The following PLPPR5 variants were observed in gnomAD, a reference collection of about 807,000 sequenced individuals.
PLPPR5 encodes phospholipid phosphatase related 5.
Under a neutral mutation model 33.9 loss-of-function variants are expected in PLPPR5, and 16 were observed. That is an observed-to-expected ratio of 0.47 (90% CI 0.32 to 0.72). PLPPR5 has a LOEUF of 0.72. Ranked by LOEUF, PLPPR5 falls within the 30% of genes least tolerant of loss-of-function variation. PLPPR5 has a pLI of 0.03. For synonymous variants in PLPPR5, 163 were observed against 150.3 expected, an observed-to-expected ratio of 1.08 and a Z score of -0.62; for missense variants, 301 against 406.7, an observed-to-expected ratio of 0.74 and a Z score of 2.23.
At chr1:99,004,185 T>G (rs933059522) in intron 1 of PLPPR5, 5 of 531,350 alleles carry the variant, frequency 9.4e-6, no homozygotes, top group Non-Finnish European at 1.7e-5. Flanking sequence ...TTCCCTTCCA[T>G]CCCCGCCCAG....
At chr1:98,995,334 C>A (rs1652593800) in intron 1 of PLPPR5, among the ~76,000 whole-genome samples, 1 of 151,996 alleles carries the variant, frequency 6.6e-6, no homozygotes, top group Non-Finnish European at 1.5e-5. Flanking sequence ...AGAGGAGGGT[C>A]ACGATCAAAA....
intron 5 of PLPPR5, among the ~76,000 whole-genome samples, chr1:98,903,547 C>T (rs1011389180): frequency 5.3e-5 from 8 of 151,996 alleles, no homozygotes; most frequent in Admixed American, 5.2e-4. Flanking sequence ...TACAGTATTT[C>T]CTGCATTTGT....
At chr1:99,004,273 CT>C in intron 1 of PLPPR5, 161 bp downstream of exon 1, 1 of 631,970 alleles carries the variant, frequency 1.6e-6, no homozygotes, top group Non-Finnish European at 2.7e-6. Context: ...CGCACCCACC[CT>C]CACGCGCCCT....
At chr1:98,940,966 G>A (rs759966227) in intron 3 of PLPPR5, among the ~76,000 whole-genome samples, 7 of 151,760 alleles carry the variant, frequency 4.6e-5, no homozygotes, top group Non-Finnish European at 8.8e-5. Flanking sequence ...TCATGGTTTC[G>A]GTTTTTGAAA....
intron 1 of PLPPR5, among the ~76,000 whole-genome samples, chr1:98,972,648 G>A (rs988495251): frequency 6.6e-6 from 1 of 151,914 alleles, no homozygotes; most frequent in African/African-American, 2.4e-5. Context: ...AATGTTGTTG[G>A]CCTAATCAAT....
chr1:98,966,822 A>G (rs528971741), intron 1 of PLPPR5, among the ~76,000 whole-genome samples: 1 of 152,258 alleles, frequency 6.6e-6, no homozygotes, highest in East Asian at 1.9e-4. Flanking sequence ...TCACTTTTCA[A>G]CTGGGAAAGA....
intron 1 of PLPPR5, among the ~76,000 whole-genome samples, chr1:98,975,915 T>C (rs1651830017): frequency 6.6e-6 from 1 of 151,952 alleles, no homozygotes; most frequent in South Asian, 2.1e-4. Context: ...CTTTTCATTA[T>C]TGGATCCCAC....
At chr1:99,001,671 G>GATACAT (rs1247519605) in intron 1 of PLPPR5, among the ~76,000 whole-genome samples, 1 of 102,196 alleles carries the variant, frequency 9.8e-6, no homozygotes, top group African/African-American at 3.9e-5. Context: ...GAAAGTTAAA[G>GATACAT]ATATATATAT....
intron 1 of PLPPR5, among the ~76,000 whole-genome samples, chr1:98,974,719 G>C (rs1378980626): frequency 1.3e-5 from 2 of 152,034 alleles, no homozygotes; most frequent in Non-Finnish European, 2.9e-5. Flanking sequence ...AGTCTCCTCT[G>C]CTAATTCAGG....
intron 5 of PLPPR5, among the ~76,000 whole-genome samples, chr1:98,904,084 A>G (rs1450162586): frequency 2.0e-5 from 3 of 152,108 alleles, no homozygotes; most frequent in Non-Finnish European, 4.4e-5. Context: ...TCCTCATTAT[A>G]ATATTTCTAG....
intron 5 of PLPPR5, among the ~76,000 whole-genome samples, chr1:98,893,615 C>A (rs377514625): frequency 2.3e-4 from 23 of 101,492 alleles, no homozygotes; most frequent in African/African-American, 7.0e-4. Flanking sequence ...TTCTTCACAG[C>A]GCCTTTTTTT....
chr1:98,946,687 A>G (rs1650564956), intron 3 of PLPPR5, among the ~76,000 whole-genome samples: 1 of 151,910 alleles, frequency 6.6e-6, no homozygotes, highest in Admixed American at 6.6e-5. Context: ...ATTGGGTGGG[A>G]CTCATCATTA....
chr1:98,952,836 C>T (rs115426011), intron 3 of PLPPR5, among the ~76,000 whole-genome samples: 1,750 of 152,248 alleles, frequency 0.011, 11 homozygotes, highest in Admixed American at 0.015. Flanking sequence ...AATAGAAATG[C>T]TAATGGCTAC....
At chr1:98,920,768 G>A (rs1649522752) in intron 4 of PLPPR5, among the ~76,000 whole-genome samples, 1 of 151,906 alleles carries the variant, frequency 6.6e-6, no homozygotes, top group Non-Finnish European at 1.5e-5. Context: ...GTAAAATGAG[G>A]CTAATAAAGT....
intron 3 of PLPPR5, among the ~76,000 whole-genome samples, chr1:98,939,964 A>T (rs2101190159): frequency 6.6e-6 from 1 of 151,926 alleles, no homozygotes; most frequent in African/African-American, 2.4e-5. Context: ...TTGACGGGTG[A>T]TTATGGAGGT....
chr1:98,989,991 A>C (rs992971741), intron 1 of PLPPR5, among the ~76,000 whole-genome samples: 6 of 152,200 alleles, frequency 3.9e-5, no homozygotes, highest in Admixed American at 2.0e-4. Context: ...TTTGATTTAT[A>C]AAAGTGAAAG....
intron 1 of PLPPR5, among the ~76,000 whole-genome samples, chr1:98,993,049 A>G (rs1652504936): frequency 6.6e-6 from 1 of 152,150 alleles, no homozygotes. Context: ...TGATGTAAGC[A>G]CTATGTTAGT....
In PLPPR5 at chr1:99,004,706, C is replaced by A. The variant is rs753924107; in HGVS notation, c.-35G>T. On this transcript the variant is annotated 5_prime_UTR_variant, in exon 1 of 6. Coordinates refer to ENST00000263177, the MANE Select transcript of PLPPR5 (RefSeq NM_001037317.2). ...CCGGGCCGGGCCGAGCCGAGCCGAG[C>A]GGGCGGTCGACGCGGTGGGCCCCCT... 10 of 1,437,700 alleles carry A rather than the reference C, an allele frequency of 7.0e-6. No homozygotes were observed. Among genetic ancestry groups the A allele is most frequent in the South Asian group, 1.5e-5 (1 of 66,820 alleles). The allele number at this position is 1,437,700 out of a possible 1,614,324, so 89.1% of individuals were successfully genotyped here.
intron 5 of PLPPR5, among the ~76,000 whole-genome samples, chr1:98,899,753 G>T (rs112384952): frequency 6.7e-4 from 101 of 150,746 alleles, no homozygotes; most frequent in African/African-American, 2.3e-3. Flanking sequence ...CCGCCTCCCG[G>T]GTTCAAGCAA....
Sources: gnomAD v4.1 joint callset for allele counts (sites outside exome capture counted in the v4.1 genomes callset) on GRCh38, gnomAD v4.1.1 for gene constraint, MANE v1.5 for transcripts, NCBI Gene and HGNC (gene_info 2026-07-23, HGNC 2026-07-21) for gene names.